Variants in DNAH7 observed in about 807,000 individuals in gnomAD.
The protein encoded by DNAH7 is axonemal beta dynein heavy chain 7.
DNAH7 carries 397 observed loss-of-function variants against 444.6 expected under a neutral mutation model. The ratio of observed to expected loss-of-function variants is 0.89; its 90% CI spans 0.82 to 0.97. The LOEUF is 0.97. DNAH7 is among the 50% of genes least tolerant of loss of function. DNAH7 has a pLI of 0.00. For missense variants in DNAH7, 4,902 were observed against 4,800.8 expected, an observed-to-expected ratio of 1.02 and a Z score of -0.62; for synonymous variants, 1,636 against 1,624.4, an observed-to-expected ratio of 1.01 and a Z score of -0.17.
chr2:195,822,859 C>T (rs936262428), intron 49 of DNAH7, among the ~76,000 whole-genome samples: 5 of 152,266 alleles, frequency 3.3e-5, no homozygotes, highest in Admixed American at 6.5e-5. Context: ...TTCCTTTTTG[C>T]TTCCTTCTTT....
At position 195,967,759 on chromosome 2, in the gene DNAH7, T is replaced by A. The variant is rs185795419; in HGVS notation, c.2205+2189A>T. 5.3e-5 allele frequency among the ~76,000 whole-genome samples: 8 copies of A among 152,366 alleles called. No homozygotes were observed. The East Asian group carries it at 1.5e-3, about 29-fold the overall frequency. ...GTGCTATTTGTTTCTTTTCTCTTGC[T>A]GCTTTTAGGTTCCTTTATTTTTGAC... On this transcript the variant is annotated intron_variant, in intron 17 of 64. Transcript: ENST00000312428.
At chr2:195,953,316 C>G (rs1185654451) in intron 19 of DNAH7, among the ~76,000 whole-genome samples, 1 of 152,168 alleles carries the variant, frequency 6.6e-6, no homozygotes, top group Non-Finnish European at 1.5e-5. Flanking sequence ...AGCTTCGTCC[C>G]AGAGGGGCAC....
chr2:196,043,043 TG>T (rs1696867740), intron 5 of DNAH7, among the ~76,000 whole-genome samples: 1 of 152,106 alleles, frequency 6.6e-6, no homozygotes, highest in Non-Finnish European at 1.5e-5. Context: ...AGCGATTACC[TG>T]GGGCAACCAG....
chr2:195,786,259 C>T (rs948623810), intron 58 of DNAH7, among the ~76,000 whole-genome samples: 2 of 152,176 alleles, frequency 1.3e-5, no homozygotes, highest in Admixed American at 6.5e-5. Flanking sequence ...ACTCAATTGA[C>T]GAAATGATTT....
At chr2:195,798,287 T>C (rs1282241777) in intron 55 of DNAH7, among the ~76,000 whole-genome samples, 1 of 152,212 alleles carries the variant, frequency 6.6e-6, no homozygotes, top group East Asian at 1.9e-4. Context: ...AGAACATGTA[T>C]GTAACAAGGT....
chr2:195,871,198 A>G (rs577025403), intron 40 of DNAH7, among the ~76,000 whole-genome samples: 1 of 152,216 alleles, frequency 6.6e-6, no homozygotes, highest in South Asian at 2.1e-4. Flanking sequence ...GTATATCTAA[A>G]AAGTCCAGAG....
intron 2 of DNAH7, among the ~76,000 whole-genome samples, chr2:196,052,185 G>A (rs1009587071): frequency 6.6e-6 from 1 of 152,188 alleles, no homozygotes; most frequent in Non-Finnish European, 1.5e-5. Context: ...GTCATCCAGT[G>A]GGCCACAGCC....
intron 31 of DNAH7, 44 bp from the exon 32 acceptor site, chr2:195,889,025 A>G: frequency 6.6e-7 from 1 of 1,517,566 alleles, no homozygotes; most frequent in Non-Finnish European, 9.0e-7. Flanking sequence ...CGTAATGATG[A>G]TAATATAAAG....
At chr2:195,767,053 CTTTA>C (rs1694622632) in intron 61 of DNAH7, among the ~76,000 whole-genome samples, 1 of 151,784 alleles carries the variant, frequency 6.6e-6, no homozygotes, top group South Asian at 2.1e-4. Flanking sequence ...ATTAATTTGT[CTTTA>C]TTTTATTATG....
chr2:195,969,368 T>G (rs1047408637), intron 17 of DNAH7, among the ~76,000 whole-genome samples: 1 of 152,246 alleles, frequency 6.6e-6, no homozygotes, highest in Non-Finnish European at 1.5e-5. Flanking sequence ...TCATAGTTAA[T>G]CATATGTTTT....
At chr2:195,847,412 G>C (rs559934118) in intron 46 of DNAH7, among the ~76,000 whole-genome samples, 2 of 151,912 alleles carry the variant, frequency 1.3e-5, no homozygotes, top group South Asian at 4.2e-4. Context: ...AACACTGCAT[G>C]TTCTCACTTA....
At chr2:195,974,223 A>G (rs1692037655) in intron 15 of DNAH7, among the ~76,000 whole-genome samples, 1 of 152,234 alleles carries the variant, frequency 6.6e-6, no homozygotes, top group Non-Finnish European at 1.5e-5. Context: ...TATGTTGTAA[A>G]TCCAAACCAA....
rs1254242163 is a variant in DNAH7 at position 195,888,382 on chromosome 2, G to C, written c.5282C>G (p.Pro1761Arg). ...YMEPHMLGWR[P>R]LMLSWVNLLP... ...CAGATTCACCCAGGACAACATCAGT[G>C]GTCTCCAGCCTAACATGTGAGGCTC... is the stretch of plus-strand genomic sequence containing the variant. Residue 1761 changes from proline to arginine, a missense_variant, in exon 33 of 65, where the codon CCA (proline) becomes CGA (arginine). By Grantham distance (103) the Pro-to-Arg change is moderately radical. Coordinates refer to ENST00000312428, the MANE Select transcript of DNAH7 (RefSeq NM_018897.3). 6.2e-7 allele frequency: 1 copy of C among 1,605,344 alleles called. No individual in the cohort carries two copies. Among genetic ancestry groups the C allele is most frequent in the African/African-American group, 1.3e-5 (1 of 74,254 alleles).
intron 46 of DNAH7, among the ~76,000 whole-genome samples, chr2:195,847,112 G>A (rs951743488): frequency 3.6e-5 from 5 of 140,756 alleles, no homozygotes; most frequent in Non-Finnish European, 7.5e-5. Context: ...CAGATGGTGG[G>A]ATATCGGATA....
At chr2:195,838,326 AAGAATAAGGATGTGATTAATTCTCAAAG>A (rs112562569) in intron 47 of DNAH7, among the ~76,000 whole-genome samples, 200 of 152,214 alleles carry the variant, frequency 1.3e-3, no homozygotes, top group African/African-American at 4.7e-3. Context: ...TCAACACACA[AAGAATAAGGATGTGATTAATTCTCAAAG>A]AAATAGACAG....
At chr2:195,844,957 CTGT>C in intron 47 of DNAH7, 42 bp downstream of exon 47, 1 of 1,547,926 alleles carries the variant, frequency 6.5e-7, no homozygotes, top group Non-Finnish European at 8.8e-7. Flanking sequence ...GATAAATCTA[CTGT>C]TATTTAATAA....
rs187656431 is a variant in DNAH7 at position 195,932,768 on chromosome 2, C to T, written c.3471+1823G>A. On this transcript the variant is annotated intron_variant, in intron 21 of 64. Transcript: ENST00000312428. ...CCAGCCTTGCATCCCAGGGATGAAG[C>T]CCACTTGATTGTGGTGGATAAGCTT... 5.2e-3 allele frequency among the ~76,000 whole-genome samples: 785 copies of T among 152,188 alleles called. 16 individuals are homozygous for T. Among genetic ancestry groups the T allele is most frequent in the Non-Finnish European group, 2.5e-3 (169 of 68,014 alleles).
chr2:195,746,699 A>G (rs1217521769), intron 63 of DNAH7, among the ~76,000 whole-genome samples: 1 of 152,244 alleles, frequency 6.6e-6, no homozygotes, highest in South Asian at 2.1e-4. Flanking sequence ...AACTCACTCA[A>G]AACCACTCAA....
chr2:195,868,877 T>C (rs777858700), intron 40 of DNAH7, among the ~76,000 whole-genome samples: 17 of 148,924 alleles, frequency 1.1e-4, no homozygotes, highest in Non-Finnish European at 2.4e-4. Context: ...TATAAGGTTA[T>C]CTAGTATGAT....
Sources: gnomAD v4.1 joint callset for allele counts (sites outside exome capture counted in the v4.1 genomes callset) on GRCh38, gnomAD v4.1.1 for gene constraint, MANE v1.5 for transcripts, NCBI Gene and HGNC (gene_info 2026-07-23, HGNC 2026-07-21) for gene names.